Variants in EXD3 observed in about 807,000 individuals in gnomAD.
EXD3 encodes the protein exonuclease mut-7 homolog.
In EXD3, 92 loss-of-function variants were observed where a neutral mutation model predicts 98.0. That is an observed-to-expected ratio of 0.94 (90% CI 0.79 to 1.12). The LOEUF is 1.12. Ranked by LOEUF, EXD3 falls within the 50% of genes most tolerant of loss-of-function variation. The probability of loss-of-function intolerance (pLI) is 0.00; values close to 1 mark genes in which losing one functional copy is unlikely to be tolerated. For synonymous variants in EXD3, 569 were observed against 526.0 expected (o/e 1.08, Z -1.12); for missense variants, 1,222 against 1,191.6 (o/e 1.03, Z -0.38).
intron 3 of EXD3, among the ~76,000 whole-genome samples, chr9:137,382,585 G>A (rs771984161): frequency 6.6e-6 from 1 of 152,210 alleles, no homozygotes; most frequent in Non-Finnish European, 1.5e-5. Context: ...ACAAACGAAA[G>A]CTGGCAGAGG....
At chr9:137,415,033 GC>G (rs1223505617) in intron 1 of EXD3, among the ~76,000 whole-genome samples, 6 of 150,882 alleles carry the variant, frequency 4.0e-5, no homozygotes, top group African/African-American at 1.5e-4. Context: ...GATTACAGGT[GC>G]CTGCCACCAC....
intron 17 of EXD3, 50 bp downstream of exon 17, chr9:137,348,011 CACCTGTGCTA>C: frequency 6.5e-7 from 1 of 1,536,600 alleles, no homozygotes; most frequent in Non-Finnish European, 8.8e-7. Context: ...GGGGTGGGCA[CACCTGTGCTA>C]GGGGCAGCTG....
chr9:137,374,860 A>G, intron 3 of EXD3: 1 of 985,512 alleles, frequency 1.0e-6, no homozygotes. Flanking sequence ...ACTTAGTCCT[A>G]GCCCTAGTGA....
chr9:137,401,755 G>C (rs1215101979), intron 1 of EXD3, among the ~76,000 whole-genome samples: 1 of 152,182 alleles, frequency 6.6e-6, no homozygotes, highest in East Asian at 1.9e-4. Flanking sequence ...CACAGCACAG[G>C]GACCCTGGGC....
chr9:137,323,849 G>C lies in EXD3; in HGVS notation c.2060C>G (p.Ala687Gly). The C allele has an allele frequency of 1.2e-6, 2 of 1,608,390 alleles. No individual in the cohort carries two copies. The highest frequency in any genetic ancestry group is 1.1e-5 in the South Asian group (1 of 90,722). The change falls in exon 19 of 22, where the codon GCC becomes GGC. Residue 687 changes from alanine to glycine, a missense_variant. Ala to Gly is a moderately conservative substitution (Grantham distance 60). Transcript: ENST00000340951. ...GAGGCAGCGCCCAGCCCCGACCTGG[G>C]CCCGGAGCTGCAAAGACACGGCTCG... Reference protein sequence around the residue: ...TSGQPFHKLRAQVGAGRCLSV... With the variant: ...TSGQPFHKLRGQVGAGRCLSV...
intron 1 of EXD3, among the ~76,000 whole-genome samples, chr9:137,410,900 G>A (rs112906430): frequency 9.9e-5 from 15 of 151,478 alleles, no homozygotes; most frequent in Middle Eastern, 3.4e-3. Context: ...CCCAGCCCCC[G>A]GCCTCAGTGC....
chr9:137,348,294 T>C (rs774800630), intron 16 of EXD3, 56 bp from the exon 17 acceptor site: 22 of 1,553,314 alleles, frequency 1.4e-5, no homozygotes, highest in Non-Finnish European at 1.9e-5. Context: ...CCTCACAGCC[T>C]CAGAGAGCCA....
At chr9:137,336,821 G>A (rs1256450221) in intron 17 of EXD3, among the ~76,000 whole-genome samples, 1 of 151,306 alleles carries the variant, frequency 6.6e-6, no homozygotes, top group Non-Finnish European at 1.5e-5. Flanking sequence ...AAAGCTAAAA[G>A]CATGAAAAAA....
At chr9:137,368,627 C>G (rs896551744) in intron 5 of EXD3, among the ~76,000 whole-genome samples, 1 of 152,248 alleles carries the variant, frequency 6.6e-6, no homozygotes, top group Admixed American at 6.5e-5. Context: ...AAATGACCCA[C>G]GAGAGCAGCC....
chr9:137,307,351 C>T (rs916012840), intron 21 of EXD3, 88 bp from the exon 22 acceptor site: 23 of 1,434,108 alleles, frequency 1.6e-5, no homozygotes, highest in Admixed American at 8.5e-5. Context: ...TGGCGGCCCA[C>T]GCTGAGCCCA....
intron 17 of EXD3, among the ~76,000 whole-genome samples, chr9:137,342,976 C>T (rs1051678706): frequency 5.3e-5 from 8 of 152,102 alleles, no homozygotes; most frequent in South Asian, 2.1e-4. Flanking sequence ...AAAAATTAGC[C>T]GGGCGTGGTG....
At chr9:137,351,624 T>G in intron 12 of EXD3, 96 bp from the exon 13 acceptor site, 2 of 1,193,666 alleles carry the variant, frequency 1.7e-6, no homozygotes, top group Non-Finnish European at 2.4e-6. Flanking sequence ...GAGCTTGGGC[T>G]TCGGGGAGAC....
At chr9:137,377,788 ATT>A (rs571059789) in intron 3 of EXD3, among the ~76,000 whole-genome samples, 19 of 131,748 alleles carry the variant, frequency 1.4e-4, no homozygotes, top group South Asian at 2.4e-4. Context: ...TAGTCGTTGA[ATT>A]TTTTTTTTTT....
intron 5 of EXD3, among the ~76,000 whole-genome samples, chr9:137,368,767 C>T (rs1000084020): frequency 1.4e-5 from 2 of 145,992 alleles, no homozygotes; most frequent in East Asian, 4.2e-4. Context: ...CCTTTCCCTG[C>T]GCAGCGCTGA....
intron 2 of EXD3, among the ~76,000 whole-genome samples, chr9:137,384,471 GC>G (rs1485858525): frequency 6.6e-6 from 1 of 152,232 alleles, no homozygotes; most frequent in African/African-American, 2.4e-5. Flanking sequence ...GGCAGGGAGC[GC>G]CCTGAACTGG....
At chr9:137,365,998 A>AGGCACACATGCACATG in intron 7 of EXD3, 1 of 585,436 alleles carries the variant, frequency 1.7e-6, no homozygotes, top group Non-Finnish European at 3.2e-6. Context: ...GCACACCTGC[A>AGGCACACATGCACATG]GGCACACATG....
intron 17 of EXD3, among the ~76,000 whole-genome samples, chr9:137,327,982 T>A (rs112852882): frequency 8.3e-6 from 1 of 120,380 alleles, no homozygotes; most frequent in African/African-American, 3.4e-5. Flanking sequence ...ACAACTAATA[T>A]ACACCCATAT....
rs1363444765 is a variant in EXD3 at position 137,352,804 on chromosome 9, G to GT, written c.871-19dup. On this transcript the variant is annotated intron_variant, in intron 10 of 21. Coordinates refer to ENST00000340951, the MANE Select transcript of EXD3 (RefSeq NM_017820.5). Reference sequence around the variant, plus strand: ...ACCAGGCCCTGTGAGGAGGGTGGCCGTGAGGATGGAGATGGGGACATTGCT... The same window carrying GT: ...ACCAGGCCCTGTGAGGAGGGTGGCCGTTGAGGATGGAGATGGGGACATTGCT... The GT allele has an allele frequency of 6.3e-7, 1 of 1,575,860 alleles. No individual in the cohort carries two copies. Among genetic ancestry groups the GT allele is most frequent in the Non-Finnish European group, 8.6e-7 (1 of 1,163,432 alleles).
chr9:137,409,117 C>G (rs1043727415), intron 1 of EXD3, among the ~76,000 whole-genome samples: 2 of 152,180 alleles, frequency 1.3e-5, no homozygotes, highest in Non-Finnish European at 2.9e-5. Flanking sequence ...AGGATCCTGC[C>G]CCACTGGAGG....
Sources: allele counts gnomAD v4.1 joint callset (sites outside exome capture counted in the v4.1 genomes callset), GRCh38; gene constraint gnomAD v4.1.1; transcripts MANE v1.5; gene names NCBI Gene and HGNC (gene_info 2026-07-23, HGNC 2026-07-21).